The following SLC38A8 variants were observed in gnomAD, a reference collection of about 807,000 sequenced individuals.
SLC38A8 encodes solute carrier family 38 member 8.
A neutral mutation model predicts 46.0 loss-of-function variants in SLC38A8; 65 were observed. The ratio of observed to expected loss-of-function variants is 1.41; its 90% CI spans 1.16 to 1.74. The LOEUF (loss-of-function observed/expected upper bound fraction) is 1.74, where lower values mean the gene tolerates loss of function less well. Among genes scored for constraint, SLC38A8 ranks in the 40% most tolerant of loss-of-function variants. The probability of loss-of-function intolerance (pLI) is 0.00; values close to 1 mark genes in which losing one functional copy is unlikely to be tolerated. For missense variants in SLC38A8, 998 were observed against 567.9 expected, an observed-to-expected ratio of 1.76 and a Z score of -7.70; for synonymous variants, 447 against 243.7, an observed-to-expected ratio of 1.83 and a Z score of -7.77.
upstream of SLC38A8, among the ~76,000 whole-genome samples, chr16:84,042,983 C>T (rs2085384208): frequency 6.6e-6 from 1 of 152,150 alleles, no homozygotes; most frequent in Admixed American, 6.5e-5. Context: ...GCAGCGCCTC[C>T]ATCCTCACAT....
chr16:84,037,769 A>AG (rs1555556892), intron 2 of SLC38A8, among the ~76,000 whole-genome samples: 16 of 50,040 alleles, frequency 3.2e-4, no homozygotes, highest in Non-Finnish European at 3.6e-4. Flanking sequence ...CGAAAAAAAA[A>AG]AAAGAGAAAA....
intron 3 of SLC38A8, among the ~76,000 whole-genome samples, chr16:84,034,074 C>A (rs1165487560): frequency 6.6e-6 from 1 of 152,178 alleles, no homozygotes; most frequent in East Asian, 1.9e-4. Flanking sequence ...TCTGGAGGAA[C>A]CCTGATGGCT....
chr16:84,025,399 T>C (rs1443613511), intron 6 of SLC38A8, among the ~76,000 whole-genome samples: 3 of 152,172 alleles, frequency 2.0e-5, no homozygotes, highest in Non-Finnish European at 4.4e-5. Flanking sequence ...AGCCAACTCC[T>C]CTGCACCCTC....
intron 7 of SLC38A8, among the ~76,000 whole-genome samples, chr16:84,019,762 G>T (rs569940161): frequency 6.6e-6 from 1 of 152,218 alleles, no homozygotes; most frequent in Non-Finnish European, 1.5e-5. Context: ...CACAATGGCA[G>T]TGCAGGCAAA....
At chr16:84,035,055 T>A (rs1335728277) in intron 3 of SLC38A8, among the ~76,000 whole-genome samples, 1 of 152,160 alleles carries the variant, frequency 6.6e-6, no homozygotes, top group African/African-American at 2.4e-5. Context: ...TAACCAGATA[T>A]ACACAAGAAC....
At chr16:84,013,149 A>C in intron 9 of SLC38A8, 97 bp from the exon 10 acceptor site, 1 of 1,415,420 alleles carries the variant, frequency 7.1e-7, no homozygotes. Context: ...GGAGGCCAGC[A>C]AGGCCTCCGC....
At chr16:84,010,135 A>T (rs2084937278) in intron 10 of SLC38A8, among the ~76,000 whole-genome samples, 1 of 135,310 alleles carries the variant, frequency 7.4e-6, no homozygotes, top group Non-Finnish European at 1.5e-5. Flanking sequence ...CAGTGGCACG[A>T]TCTCGGCTCA....
In SLC38A8 at chr16:84,029,527, G is replaced by C. The variant is rs923275091; in HGVS notation, c.657C>G (p.Phe219Leu). ...CGAAGCAGATGGTGGGGAAGACACT[G>C]AACACAGAGGTCCAGGAGGCAGGGC... The part of the protein sequence containing the change: ...SLSPASWTSV[F>L]SVFPTICFGF... Residue 219 changes from phenylalanine (F) to leucine (L), a missense_variant, in exon 6 of 11, where the codon TTC becomes TTG. Phe to Leu is a conservative substitution (Grantham distance 22, BLOSUM62 0). Coordinates refer to ENST00000299709, the MANE Select transcript of SLC38A8 (RefSeq NM_001080442.3). 3.7e-6 allele frequency: 6 copies of C among 1,614,014 alleles called. No individual in the cohort carries two copies. The highest frequency in any genetic ancestry group is 1.3e-5 in the African/African-American group (1 of 74,920).
At chr16:84,023,670 G>T (rs146804461) in intron 6 of SLC38A8, among the ~76,000 whole-genome samples, 1 of 152,118 alleles carries the variant, frequency 6.6e-6, no homozygotes, top group Admixed American at 6.6e-5. Flanking sequence ...GAAGGGGGCA[G>T]ATCACTTGAG....
intron 2 of SLC38A8, among the ~76,000 whole-genome samples, chr16:84,038,294 A>C (rs7184319): frequency 1.3e-5 from 2 of 151,354 alleles, no homozygotes; most frequent in Non-Finnish European, 2.9e-5. Context: ...CTGGGCCCCA[A>C]AGCGAGACTC....
chr16:84,032,018 T>C lies in SLC38A8; in HGVS notation c.531-50A>G, dbSNP rs764577894. 5.4e-6 allele frequency: 8 copies of C among 1,491,920 alleles called. No individual in the cohort carries two copies. The African/African-American group carries it at 8.3e-5, about 15-fold the overall frequency. 92.4% of individuals were successfully genotyped at this position (1,491,920 alleles called of 1,614,324 possible). On this transcript the variant is annotated intron_variant, in intron 4 of 10. Coordinates refer to ENST00000299709, the MANE Select transcript of SLC38A8 (RefSeq NM_001080442.3). ...CTGCGCAGTGGGTGACATGTGCGGTTGATGCACGGGGACAGTAGTGGGATC... is the reference window on the plus strand; with the variant it reads ...CTGCGCAGTGGGTGACATGTGCGGTCGATGCACGGGGACAGTAGTGGGATC...
At chr16:84,017,817 G>C (rs1195369012) in intron 7 of SLC38A8, among the ~76,000 whole-genome samples, 5 of 152,192 alleles carry the variant, frequency 3.3e-5, no homozygotes, top group Non-Finnish European at 7.3e-5. Context: ...TGTCCTGAGA[G>C]ATAGGTCTCT....
intron 2 of SLC38A8, among the ~76,000 whole-genome samples, chr16:84,038,424 C>T (rs1372612912): frequency 6.6e-6 from 1 of 152,200 alleles, no homozygotes; most frequent in African/African-American, 2.4e-5. Context: ...TTTGACTCCT[C>T]TACCCTTCCA....
chr16:84,038,297 C>T (rs745950192), intron 2 of SLC38A8, among the ~76,000 whole-genome samples: 2 of 150,886 alleles, frequency 1.3e-5, no homozygotes, highest in Non-Finnish European at 3.0e-5. Context: ...GGCCCCAAAG[C>T]GAGACTCCCT....
At chr16:84,039,403 C>G (rs2085342114) in intron 2 of SLC38A8, among the ~76,000 whole-genome samples, 2 of 152,102 alleles carry the variant, frequency 1.3e-5, no homozygotes, top group South Asian at 4.1e-4. Context: ...CTATTTTGCC[C>G]CAGAGAAGGG....
At chr16:84,029,329 G>C (rs1031110490) in intron 6 of SLC38A8, among the ~76,000 whole-genome samples, 165 bp downstream of exon 6, 4 of 152,190 alleles carry the variant, frequency 2.6e-5, no homozygotes, top group Non-Finnish European at 5.9e-5. Context: ...TCATGGTCTG[G>C]AATGACAGCC....
rs373825801 is a variant in SLC38A8, at chr16:84,016,595, C to T, written c.1086G>A (p.Ala362=). 3.2e-5 allele frequency: 52 copies of T among 1,613,900 alleles called. No homozygotes were observed. Among genetic ancestry groups the T allele is most frequent in the East Asian group, 2.7e-4 (12 of 44,898 alleles). The change falls in exon 9 of 11, where the codon GCG becomes GCA. Residue 362 remains alanine (A), a synonymous_variant. Coordinates refer to ENST00000299709, the MANE Select transcript of SLC38A8 (RefSeq NM_001080442.3). The stretch of plus-strand genomic sequence containing the variant: ...TCTCGCTGAGGTCAGGCATAAACAG[C>T]GCCATGGCGAGCGTCACGGTGACCC... ...ILWVTVTLAM[A]LFMPDLSEIV...
intron 7 of SLC38A8, among the ~76,000 whole-genome samples, chr16:84,019,560 G>T (rs1373479493): frequency 2.0e-5 from 3 of 152,024 alleles, no homozygotes; most frequent in Admixed American, 2.0e-4. Flanking sequence ...GTTTTGGAGG[G>T]GACAATCAAT....
intron 7 of SLC38A8, among the ~76,000 whole-genome samples, chr16:84,018,263 C>T (rs1256457353): frequency 8.2e-6 from 1 of 121,966 alleles, no homozygotes; most frequent in South Asian, 3.0e-4. Flanking sequence ...GACAGAGTCT[C>T]TCTCTGTCGC....
Sources: gnomAD v4.1 joint callset for allele counts (sites outside exome capture counted in the v4.1 genomes callset) on GRCh38, gnomAD v4.1.1 for gene constraint, MANE v1.5 for transcripts, NCBI Gene and HGNC (gene_info 2026-07-23, HGNC 2026-07-21) for gene names.